The following ADAMTS3 variants were observed in gnomAD, a reference collection of about 807,000 sequenced individuals.
ADAMTS3 encodes the protein A disintegrin and metalloproteinase with thrombospondin motifs 3.
In ADAMTS3, 73 loss-of-function variants were observed where a neutral mutation model predicts 129.0. That is an observed-to-expected ratio of 0.57 (90% CI 0.47 to 0.69). The LOEUF is 0.69. ADAMTS3 is among the 30% of genes least tolerant of loss of function. The pLI is 0.00. For synonymous variants in ADAMTS3, 477 were observed against 510.8 expected, an observed-to-expected ratio of 0.93 and a Z score of 0.89; for missense variants, 1,457 against 1,514.5, an observed-to-expected ratio of 0.96 and a Z score of 0.63.
intron 3 of ADAMTS3, among the ~76,000 whole-genome samples, chr4:72,435,697 C>A (rs1357191570): frequency 6.6e-6 from 1 of 151,822 alleles, no homozygotes; most frequent in African/African-American, 2.4e-5. Flanking sequence ...AAAATTAATA[C>A]CACACATCTA....
rs775530764 is a variant in ADAMTS3, at chr4:72,298,403, A to G, written c.2464T>C (p.Tyr822His). The G allele has an allele frequency of 1.2e-6, 2 of 1,611,982 alleles. No individual in the cohort carries two copies. Among genetic ancestry groups the G allele is most frequent in the African/African-American group, 2.7e-5 (2 of 74,844 alleles). The change falls in exon 18 of 22, where the codon TAT becomes CAT. Residue 822 changes from tyrosine (Y) to histidine (H), a missense_variant. Coordinates refer to ENST00000286657, the MANE Select transcript of ADAMTS3 (RefSeq NM_014243.3). Reference protein sequence around the residue: ...QENDTRSSLTYKYIIHEDSVP... With the variant: ...QENDTRSSLTHKYIIHEDSVP... ...GAGTCTTCATGGATGATGTACTTATATGTCAGGCTAGAGCGGGTATCATTT... is the reference window on the plus strand; with the variant it reads ...GAGTCTTCATGGATGATGTACTTATGTGTCAGGCTAGAGCGGGTATCATTT...
intron 3 of ADAMTS3, among the ~76,000 whole-genome samples, chr4:72,523,520 C>T (rs1720728739): frequency 6.6e-6 from 1 of 151,988 alleles, no homozygotes; most frequent in Non-Finnish European, 1.5e-5. Context: ...ATTGTCTGCC[C>T]AGCATAACAT....
rs577410261 is a variant in ADAMTS3, at chr4:72,419,797, A to AGG, written c.505-4828_505-4827dup. On this transcript the variant is annotated intron_variant, in intron 3 of 21. Transcript: ENST00000286657. ...TATTCATTCAGGGAAGAGTTCATGC[A>AGG]GGGGGGCTCCAAAACAATGCCACGG... Among the ~76,000 whole-genome samples the AGG allele has an allele frequency of 4.3e-3, 647 of 152,214 alleles. 2 individuals carry two copies. Among genetic ancestry groups the AGG allele is most frequent in the Middle Eastern group, 0.02 (6 of 294 alleles).
intron 3 of ADAMTS3, among the ~76,000 whole-genome samples, chr4:72,547,931 T>C (rs541267767): frequency 2.6e-5 from 4 of 152,072 alleles, no homozygotes; most frequent in Non-Finnish European, 5.9e-5. Context: ...AATTTGAAAA[T>C]GAAGAATTGA....
chr4:72,367,481 A>G (rs1027273925), intron 4 of ADAMTS3, among the ~76,000 whole-genome samples: 3 of 152,198 alleles, frequency 2.0e-5, no homozygotes, highest in Non-Finnish European at 1.5e-5. Context: ...ACATATATAT[A>G]TACATACATA....
chr4:72,288,958 ACACACAC>A, intron 20 of ADAMTS3, 90 bp from the exon 21 acceptor site: 1 of 777,640 alleles, frequency 1.3e-6, no homozygotes. Flanking sequence ...ACACACACAC[ACACACAC>A]ACAAAGACAC....
chr4:72,375,294 C>T (rs747146632), intron 4 of ADAMTS3, among the ~76,000 whole-genome samples: 4 of 152,168 alleles, frequency 2.6e-5, no homozygotes, highest in Non-Finnish European at 5.9e-5. Context: ...TGCCCCCAGG[C>T]CGCCAAAGCA....
At chr4:72,400,961 A>T (rs1721898494) in intron 4 of ADAMTS3, among the ~76,000 whole-genome samples, 1 of 148,192 alleles carries the variant, frequency 6.7e-6, no homozygotes. Context: ...GTGTGGGTCT[A>T]GGTGTACACA....
At chr4:72,422,136 C>G (rs984197628) in intron 3 of ADAMTS3, among the ~76,000 whole-genome samples, 12 of 152,028 alleles carry the variant, frequency 7.9e-5, no homozygotes, top group African/African-American at 2.9e-4. Context: ...ATTCTAAGTA[C>G]TACTATTATT....
intron 21 of ADAMTS3, among the ~76,000 whole-genome samples, chr4:72,286,064 A>C (rs1718498092): frequency 1.3e-5 from 2 of 152,242 alleles, no homozygotes; most frequent in African/African-American, 4.8e-5. Flanking sequence ...ACAACAGAAC[A>C]ACTAAAAGGG....
Position 72,448,914 on chromosome 4 carries a change from A to G in ADAMTS3, c.505-33943T>C, listed in dbSNP as rs908262148. Among the ~76,000 whole-genome samples the G allele has an allele frequency of 2.6e-5, 4 of 151,732 alleles. No homozygotes were observed. In the South Asian group the frequency reaches 6.2e-4, roughly 24 times the overall value. On this transcript the variant is annotated intron_variant, in intron 3 of 21. Coordinates refer to ENST00000286657, the MANE Select transcript of ADAMTS3 (RefSeq NM_014243.3). ...ATTTTTACCATTATTTTCTCATTCC[A>G]GTCAAATTAGTACCTAAGTTTGTAT...
chr4:72,393,861 A>C (rs758118958), intron 4 of ADAMTS3, among the ~76,000 whole-genome samples: 19 of 152,228 alleles, frequency 1.2e-4, no homozygotes, highest in Non-Finnish European at 2.5e-4. Flanking sequence ...TTATCAGCAC[A>C]AACCATGTAT....
intron 4 of ADAMTS3, among the ~76,000 whole-genome samples, chr4:72,400,348 TATACGTGTGC>T (rs1337476800): frequency 4.1e-5 from 6 of 145,880 alleles, no homozygotes; most frequent in South Asian, 2.1e-4. Context: ...GGTGTGTATA[TATACGTGTGC>T]ATAGATATGC....
At chr4:72,309,855 CT>C (rs1719186305) in intron 14 of ADAMTS3, among the ~76,000 whole-genome samples, 1 of 152,024 alleles carries the variant, frequency 6.6e-6, no homozygotes, top group Non-Finnish European at 1.5e-5. Flanking sequence ...GTGCTTTTCC[CT>C]TGCTGCTCTC....
intron 14 of ADAMTS3, among the ~76,000 whole-genome samples, chr4:72,309,750 A>C (rs902064419): frequency 3.9e-5 from 6 of 152,060 alleles, no homozygotes; most frequent in Non-Finnish European, 8.8e-5. Flanking sequence ...GTCCAATGAA[A>C]TATTTACACC....
intron 3 of ADAMTS3, among the ~76,000 whole-genome samples, chr4:72,445,886 C>G (rs1353027609): frequency 6.6e-6 from 1 of 151,674 alleles, no homozygotes; most frequent in African/African-American, 2.4e-5. Flanking sequence ...AAAAACAATA[C>G]TAAAGGCATC....
At chr4:72,405,859 A>G (rs1469812444) in intron 4 of ADAMTS3, among the ~76,000 whole-genome samples, 1 of 152,194 alleles carries the variant, frequency 6.6e-6, no homozygotes, top group East Asian at 1.9e-4. Flanking sequence ...AGGGTCAGGC[A>G]GAGGTTCTTT....
At chr4:72,449,965 A>G (rs969768249) in intron 3 of ADAMTS3, among the ~76,000 whole-genome samples, 4 of 151,716 alleles carry the variant, frequency 2.6e-5, no homozygotes, top group Non-Finnish European at 4.4e-5. Flanking sequence ...TATCTGCATA[A>G]CATTAAGACT....
intron 4 of ADAMTS3, among the ~76,000 whole-genome samples, chr4:72,374,936 T>A (rs189249506): frequency 4.6e-4 from 70 of 152,350 alleles, no homozygotes; most frequent in African/African-American, 1.6e-3. Flanking sequence ...AGTCCCTACC[T>A]AAGCTGTATT....
Sources: gnomAD v4.1 joint callset for allele counts (sites outside exome capture counted in the v4.1 genomes callset) on GRCh38, gnomAD v4.1.1 for gene constraint, MANE v1.5 for transcripts, NCBI Gene and HGNC (gene_info 2026-07-23, HGNC 2026-07-21) for gene names.